ERBB4: variants seen among roughly 807,000 people sequenced by gnomAD.
ERBB4 encodes receptor tyrosine-protein kinase erbB-4.
ERBB4 carries 42 observed loss-of-function variants against 158.0 expected under a neutral mutation model. The ratio of observed to expected loss-of-function variants is 0.27; its 90% confidence interval spans 0.21 to 0.34. The LOEUF is 0.34. ERBB4 is among the 10% of genes least tolerant of loss of function. The probability of loss-of-function intolerance (pLI) is 1.00; values close to 1 mark genes in which losing one functional copy is unlikely to be tolerated. For missense variants in ERBB4, 1,333 were observed against 1,624.1 expected (o/e 0.82, Z 3.08); for synonymous variants, 583 against 558.7 (o/e 1.04, Z -0.61).
At chr2:212,434,451 C>T (rs979883294) in intron 1 of ERBB4, among the ~76,000 whole-genome samples, 16 of 151,164 alleles carry the variant, frequency 1.1e-4, no homozygotes, top group Admixed American at 2.0e-4. Flanking sequence ...TTTGGAATAT[C>T]GAAGAACTAA....
At position 211,541,409 on chromosome 2, in the gene ERBB4, T is replaced by G. The variant is rs185653310; in HGVS notation, c.2487+20494A>C. ...GCTCTGTTATTTTAATAGTACTATT[T>G]GTTTCACTATGACCTACAGTTAACT... On this transcript the variant is annotated intron_variant, in intron 20 of 27. Coordinates refer to ENST00000342788, the MANE Select transcript of ERBB4 (RefSeq NM_005235.3). Among the ~76,000 whole-genome samples, 869 of 152,124 alleles carry G rather than the reference T, an allele frequency of 5.7e-3. 9 individuals carry two copies. Among genetic ancestry groups the G allele is most frequent in the African/African-American group, 0.02 (821 of 41,566 alleles).
chr2:212,373,474 T>A (rs2106389604), intron 1 of ERBB4, among the ~76,000 whole-genome samples: 1 of 152,090 alleles, frequency 6.6e-6, no homozygotes, highest in East Asian at 1.9e-4. Context: ...ATTATTATTG[T>A]GTGGTTTTCC....
chr2:211,586,214 A>C (rs150079650), intron 19 of ERBB4, among the ~76,000 whole-genome samples: 9 of 152,342 alleles, frequency 5.9e-5, no homozygotes, highest in African/African-American at 2.2e-4. Flanking sequence ...TATGCACATT[A>C]CATATCACCA....
At chr2:211,881,473 A>C (rs906147087) in intron 3 of ERBB4, among the ~76,000 whole-genome samples, 3 of 152,096 alleles carry the variant, frequency 2.0e-5, no homozygotes, top group Admixed American at 1.3e-4. Context: ...CCTGAGGGCC[A>C]GGTATGTCTG....
At chr2:212,378,080 T>C (rs2090383526) in intron 1 of ERBB4, among the ~76,000 whole-genome samples, 1 of 151,878 alleles carries the variant, frequency 6.6e-6, no homozygotes, top group Non-Finnish European at 1.5e-5. Context: ...TGGAAGGTCT[T>C]CACGGGTAAT....
chr2:211,618,127 A>G (rs2069463288), intron 19 of ERBB4, among the ~76,000 whole-genome samples: 1 of 152,016 alleles, frequency 6.6e-6, no homozygotes. Flanking sequence ...CTGAATTTGA[A>G]TTAAAAAAAT....
intron 17 of ERBB4, 25 bp from the exon 18 acceptor site, chr2:211,624,069 A>G (rs777195688): frequency 1.9e-6 from 3 of 1,613,646 alleles, no homozygotes; most frequent in East Asian, 2.2e-5. Flanking sequence ...GAAGAAGGTT[A>G]TACTTTCAGT....
At chr2:211,653,275 A>G (rs919768491) in intron 16 of ERBB4, among the ~76,000 whole-genome samples, 9 of 152,260 alleles carry the variant, frequency 5.9e-5, no homozygotes, top group Non-Finnish European at 1.3e-4. Flanking sequence ...GACTAAAGGT[A>G]AAAAAAGAAA....
intron 1 of ERBB4, among the ~76,000 whole-genome samples, chr2:212,170,180 G>A (rs151252411): frequency 2.0e-5 from 3 of 152,154 alleles, no homozygotes; most frequent in African/African-American, 7.2e-5. Flanking sequence ...ACAATGATAT[G>A]AACAATGAAG....
chr2:212,486,194 A>C (rs1689970802), intron 1 of ERBB4, among the ~76,000 whole-genome samples: 1 of 152,168 alleles, frequency 6.6e-6, no homozygotes, highest in Admixed American at 6.6e-5. Context: ...TAAAGAGATA[A>C]AAACAAAACT....
chr2:211,499,915 C>T (rs923092183), intron 20 of ERBB4, among the ~76,000 whole-genome samples: 1 of 151,834 alleles, frequency 6.6e-6, no homozygotes, highest in African/African-American at 2.4e-5. Context: ...ATTTCTGAAA[C>T]GTAGGCACTG....
intron 3 of ERBB4, among the ~76,000 whole-genome samples, chr2:211,872,319 G>T (rs573826327): frequency 6.6e-6 from 1 of 152,130 alleles, no homozygotes; most frequent in African/African-American, 2.4e-5. Flanking sequence ...AGAAAGTATT[G>T]TAAGAGAATT....
intron 25 of ERBB4, among the ~76,000 whole-genome samples, chr2:211,404,770 G>A (rs1470003354): frequency 1.3e-5 from 2 of 152,050 alleles, no homozygotes; most frequent in African/African-American, 2.4e-5. Flanking sequence ...GGAGGAAACA[G>A]CTGAAAAAGG....
At chr2:212,359,145 C>A (rs1220849706) in intron 1 of ERBB4, among the ~76,000 whole-genome samples, 2 of 151,572 alleles carry the variant, frequency 1.3e-5, no homozygotes, top group Non-Finnish European at 3.0e-5. Context: ...CAGCAAGCCC[C>A]CTTTAAAATG....
intron 19 of ERBB4, among the ~76,000 whole-genome samples, chr2:211,572,761 T>C (rs748686867): frequency 2.6e-5 from 4 of 152,222 alleles, no homozygotes; most frequent in African/African-American, 4.8e-5. Flanking sequence ...TTCAATTCCT[T>C]CAACTTTGTA....
chr2:211,960,606 AC>A (rs753081066), intron 2 of ERBB4: 6 of 152,090 alleles, frequency 3.9e-5, no homozygotes, highest in Non-Finnish European at 7.4e-5. Flanking sequence ...GAAATTTGTT[AC>A]TCACAATTTT....
chr2:211,986,536 A>C (rs1007621068), intron 2 of ERBB4, among the ~76,000 whole-genome samples: 1 of 152,198 alleles, frequency 6.6e-6, no homozygotes, highest in Non-Finnish European at 1.5e-5. Context: ...GAAGCCTTAC[A>C]TCAAAATTGA....
chr2:212,464,176 A>C lies in ERBB4; in HGVS notation c.82+74273T>G, dbSNP rs113111172. 1.5e-3 allele frequency among the ~76,000 whole-genome samples: 224 copies of C among 152,262 alleles called. 2 individuals are homozygous for C. The highest frequency in any genetic ancestry group is 6.8e-3 in the Middle Eastern group (2 of 294). ...ATCTTAGCTGGGAATGATTAAAAAT[A>C]TTTAATTATTGCTTTGAAATCAAGT... is the stretch of plus-strand genomic sequence containing the variant. On this transcript the variant is annotated intron_variant, in intron 1 of 27. Transcript: ENST00000342788.
intron 1 of ERBB4, among the ~76,000 whole-genome samples, chr2:212,382,517 T>A (rs1177074858): frequency 6.6e-6 from 1 of 150,952 alleles, no homozygotes; most frequent in African/African-American, 2.4e-5. Context: ...TTTGTAAATG[T>A]ATCTAGTATT....
Sources: gnomAD v4.1 joint callset for allele counts (sites outside exome capture counted in the v4.1 genomes callset) on GRCh38, gnomAD v4.1.1 for gene constraint, MANE v1.5 for transcripts, NCBI Gene and HGNC (gene_info 2026-07-23, HGNC 2026-07-21) for gene names.